Variants in FSIP2 observed in about 807,000 individuals in gnomAD.
The protein encoded by FSIP2 is fibrous sheath interacting protein 2.
FSIP2 carries 367 observed loss-of-function variants against 510.5 expected under a neutral mutation model. That is an observed-to-expected ratio of 0.72 (90% CI 0.66 to 0.78). The LOEUF is 0.78. FSIP2 is among the 30% of genes least tolerant of loss of function. FSIP2 has a pLI of 0.00. For missense variants in FSIP2, 7,594 were observed against 7,901.7 expected (o/e 0.96, Z 1.48); for synonymous variants, 2,601 against 2,732.2 (o/e 0.95, Z 1.50).
At position 185,747,528 on chromosome 2, in the gene FSIP2, C is replaced by G; in HGVS notation, c.870+105C>G. The stretch of plus-strand genomic sequence containing the variant: ...GTGAGATGACTGTTGCCCAGTTACT[C>G]CAAATGATATGCATGATATAAAACT... On this transcript the variant is annotated intron_variant, in intron 7 of 22. Coordinates refer to ENST00000424728, the MANE Select transcript of FSIP2 (RefSeq NM_173651.4). 4 of 597,498 alleles carry G rather than the reference C, an allele frequency of 6.7e-6. No individual in the cohort carries two copies. The Admixed American group carries it at 1.1e-4, about 17-fold the overall frequency. The allele number at this position is 597,498 out of a possible 1,614,324, so 37.0% of individuals were successfully genotyped here.
intron 19 of FSIP2, among the ~76,000 whole-genome samples, chr2:185,819,046 T>C (rs1334257569): frequency 6.6e-6 from 1 of 151,930 alleles, no homozygotes; most frequent in African/African-American, 2.4e-5. Flanking sequence ...TGTAAAAAGA[T>C]ATAATTTTGG....
At chr2:185,831,688 T>C (rs1267211038) in intron 21 of FSIP2, 125 bp from the exon 22 acceptor site, 10 of 671,624 alleles carry the variant, frequency 1.5e-5, no homozygotes, top group East Asian at 1.4e-4. Context: ...AGAGCACAGA[T>C]ATATTTTATG....
chr2:185,792,053 A>G lies in FSIP2; in HGVS notation c.4917A>G (p.Leu1639=). The change falls in exon 16 of 23, where the codon TTA becomes TTG. Residue 1639 remains leucine, a synonymous_variant. Coordinates refer to ENST00000424728, the MANE Select transcript of FSIP2 (RefSeq NM_173651.4). ...DTHEASFLSA[L]YMHAKKVSSA... is the part of the protein sequence containing the mutation. The stretch of plus-strand genomic sequence containing the variant: ...ATGAAGCATCATTTCTGTCTGCTTT[A>G]TATATGCATGCAAAGAAGGTATCAA... 6.5e-7 allele frequency: 1 copy of G among 1,533,962 alleles called. No homozygotes were observed. Among genetic ancestry groups the G allele is most frequent in the Non-Finnish European group, 8.7e-7 (1 of 1,145,282 alleles).
rs760501391 is a variant in FSIP2, at chr2:185,828,124, C to A, written c.20474-32C>A. The A allele has an allele frequency of 7.2e-6, 9 of 1,255,456 alleles. No individual in the cohort carries two copies. In the South Asian group the frequency reaches 1.0e-4, roughly 14 times the overall value. The allele number at this position is 1,255,456 out of a possible 1,614,324, so 77.8% of individuals were successfully genotyped here. A position where few individuals can be genotyped will look rare whatever the true frequency, so the allele number is the denominator to read the frequency against. On this transcript the variant is annotated intron_variant, in intron 20 of 22. Transcript: ENST00000424728. ...CAAATATACATGCCTCAGAAAGAGACTATTTTACTTTTTTTTTTTTAATCT... is the reference window on the plus strand; with the variant it reads ...CAAATATACATGCCTCAGAAAGAGAATATTTTACTTTTTTTTTTTTAATCT...
Position 185,795,186 on chromosome 2 carries a change from C to T in FSIP2, c.8050C>T (p.Leu2684=). 3 of 1,534,770 alleles carry T rather than the reference C, an allele frequency of 2.0e-6. No homozygotes were observed. Among genetic ancestry groups the T allele is most frequent in the Non-Finnish European group, 2.6e-6 (3 of 1,146,096 alleles). The change falls in exon 16 of 23, where the codon CTG becomes TTG. Residue 2684 remains leucine (L), a synonymous_variant. Transcript: ENST00000424728. The stretch of plus-strand genomic sequence containing the variant: ...ATTTACAAAAAAAACACACTTAGGA[C>T]TGAGTGCTGCTAAGGCCAAAAGCAA... ...PKFTKKTHLG[L]SAAKAKSKTK...
intron 17 of FSIP2, among the ~76,000 whole-genome samples, chr2:185,811,280 A>C (rs1359320736): frequency 6.6e-6 from 1 of 151,966 alleles, no homozygotes; most frequent in Non-Finnish European, 1.5e-5. Flanking sequence ...CAGTCTGGCC[A>C]ACATGATCTC....
chr2:185,777,032 A>G (rs765391370), intron 13 of FSIP2, among the ~76,000 whole-genome samples: 7 of 152,058 alleles, frequency 4.6e-5, no homozygotes, highest in Non-Finnish European at 8.8e-5. Flanking sequence ...CCAGGATGCA[A>G]GATTCTAATC....
Position 185,805,344 on chromosome 2 carries a change from G to T in FSIP2, c.16038G>T (p.Glu5346Asp), listed in dbSNP as rs371447593. ...KMFSFPPIDK[E>D]TVDKISNFVY... ...TTTCTTTTCCACCAATTGATAAAGA[G>T]ACAGTTGATAAAATATCCAATTTTG... The change falls in exon 17 of 23, where the codon GAG (glutamate) becomes GAT (aspartate). Residue 5346 changes from glutamate (E) to aspartate (D), a missense_variant. Transcript: ENST00000424728. The T allele has an allele frequency of 5.6e-6, 9 of 1,598,532 alleles. No individual in the cohort carries two copies. The African/African-American group carries it at 1.1e-4, about 19-fold the overall frequency.
chr2:185,762,129 A>G, intron 11 of FSIP2, 112 bp downstream of exon 11: 1 of 533,614 alleles, frequency 1.9e-6, no homozygotes. Context: ...TATTCTAAAA[A>G]ATTAAGGCTG....
chr2:185,803,662 A>G lies in FSIP2; in HGVS notation c.14356A>G (p.Thr4786Ala), dbSNP rs1391654761. Residue 4786 changes from threonine (T) to alanine (A), a missense_variant, in exon 17 of 23, where the codon ACC becomes GCC. Thr to Ala is a moderately conservative substitution (Grantham distance 58). Coordinates refer to ENST00000424728, the MANE Select transcript of FSIP2 (RefSeq NM_173651.4). ...RFQRQASTMY[T>A]TMLSHSHLEK... ...CCAAAGACAAGCTTCAACAATGTATACCACTATGTTATCACATAGTCATTT... is the reference window on the plus strand; with the variant it reads ...CCAAAGACAAGCTTCAACAATGTATGCCACTATGTTATCACATAGTCATTT... The G allele has an allele frequency of 6.5e-7, 1 of 1,530,388 alleles. No homozygotes were observed. Among genetic ancestry groups the G allele is most frequent in the Non-Finnish European group, 8.7e-7 (1 of 1,143,516 alleles). 94.8% of individuals were successfully genotyped at this position (1,530,388 alleles called of 1,614,324 possible).
Position 185,739,488 on chromosome 2 carries a change from C to A in FSIP2, c.225+17C>A. Reference sequence around the variant, plus strand: ...GGTGAAAAGGTGAACAAGTTTTTATCGTCTTTCTTTCCTTTACCCTTTACT... The same window carrying A: ...GGTGAAAAGGTGAACAAGTTTTTATAGTCTTTCTTTCCTTTACCCTTTACT... On this transcript the variant is annotated intron_variant, in intron 2 of 22. Transcript: ENST00000424728. 6.7e-7 allele frequency: 1 copy of A among 1,482,506 alleles called. No homozygotes were observed. The highest frequency in any genetic ancestry group is 8.9e-7 in the Non-Finnish European group (1 of 1,118,408). The allele number at this position is 1,482,506 out of a possible 1,614,324, so 91.8% of individuals were successfully genotyped here. A position where few individuals can be genotyped will look rare whatever the true frequency, so the allele number is the denominator to read the frequency against.
chr2:185,813,092 C>A (rs1385540070), intron 17 of FSIP2, among the ~76,000 whole-genome samples: 1 of 151,936 alleles, frequency 6.6e-6, no homozygotes, highest in Non-Finnish European at 1.5e-5. Context: ...GATTTTAAAA[C>A]CATTATTTGG....
intron 19 of FSIP2, among the ~76,000 whole-genome samples, chr2:185,821,925 CAAAAAA>C (rs35066355): frequency 7.8e-6 from 1 of 127,464 alleles, no homozygotes. Flanking sequence ...GACCCTATCT[CAAAAAA>C]AAAAAAAAAA....
At position 185,805,269 on chromosome 2, in the gene FSIP2, G is replaced by T. The variant is rs755671398; in HGVS notation, c.15963G>T (p.Arg5321Ser). 1.3e-6 allele frequency: 2 copies of T among 1,589,410 alleles called. No homozygotes were observed. The highest frequency in any genetic ancestry group is 1.4e-5 in the African/African-American group (1 of 73,296). ...TAAAACTTGCAAATTCTCTGATAAG[G>T]GAATTTAAGAAAAGTGATATTAAAG... ...LALKLANSLIREFKKSDIKVL... is the reference protein window; with the variant it reads ...LALKLANSLISEFKKSDIKVL... Residue 5321 changes from arginine (R) to serine (S), a missense_variant, in exon 17 of 23, where the codon AGG becomes AGT. Arg to Ser is a moderately radical substitution (Grantham distance 110). Transcript: ENST00000424728.
At chr2:185,765,985 C>A (rs1401602981) in intron 13 of FSIP2, 1 of 150,688 alleles carries the variant, frequency 6.6e-6, no homozygotes, top group South Asian at 2.1e-4. Flanking sequence ...GATTTTTGTA[C>A]ATTGATTTTG....
intron 13 of FSIP2, among the ~76,000 whole-genome samples, chr2:185,769,518 T>A (rs1419585148): frequency 6.6e-6 from 1 of 152,204 alleles, no homozygotes; most frequent in African/African-American, 2.4e-5. Flanking sequence ...ATGCTGAATA[T>A]TAGACTCTTG....
intron 18 of FSIP2, 150 bp downstream of exon 18, chr2:185,814,192 C>T: frequency 2.6e-6 from 2 of 762,140 alleles, no homozygotes; most frequent in South Asian, 2.3e-5. Flanking sequence ...GAAATTATTA[C>T]CAGGTACAGC....
At chr2:185,764,222 T>C (rs1692414350) in intron 12 of FSIP2, among the ~76,000 whole-genome samples, 1 of 151,698 alleles carries the variant, frequency 6.6e-6, no homozygotes. Flanking sequence ...ATGTGTTAGA[T>C]GAAAGTACAA....
intron 18 of FSIP2, among the ~76,000 whole-genome samples, chr2:185,814,870 A>G (rs1693801634): frequency 6.6e-6 from 1 of 152,076 alleles, no homozygotes; most frequent in Non-Finnish European, 1.5e-5. Context: ...TTGATTATCC[A>G]TTTGATGTGA....
Sources: allele counts gnomAD v4.1 joint callset (sites outside exome capture counted in the v4.1 genomes callset), GRCh38; gene constraint gnomAD v4.1.1; transcripts MANE v1.5; gene names NCBI Gene and HGNC (gene_info 2026-07-23, HGNC 2026-07-21).